The following MKX variants were observed in gnomAD, a reference collection of about 807,000 sequenced individuals.
MKX encodes homeobox protein Mohawk.
Under a neutral mutation model 36.0 loss-of-function variants are expected in MKX, and 13 were observed. The ratio of observed to expected loss-of-function variants is 0.36; its 90% CI spans 0.24 to 0.57. The LOEUF (loss-of-function observed/expected upper bound fraction) is 0.57. MKX is among the 20% of genes least tolerant of loss of function. The pLI, the probability that MKX is intolerant of heterozygous loss-of-function variation, is 0.79. For missense variants in MKX, 458 were observed against 456.4 expected (o/e 1.00, Z -0.03); for synonymous variants, 176 against 178.3 (o/e 0.99, Z 0.10).
At position 27,743,363 on chromosome 10, in the gene MKX, C is replaced by G. The variant is rs200576304; in HGVS notation, c.53G>C (p.Gly18Ala). ...KLSGAVLFED[G>A]GASERERGGR... ...ACCCCGCTCCCGCTCCGAGGCGCCTCCGTCCTCAAACAGCACCGCACCGCT... is the reference window on the plus strand; with the variant it reads ...ACCCCGCTCCCGCTCCGAGGCGCCTGCGTCCTCAAACAGCACCGCACCGCT... The change falls in exon 2 of 7, where the codon GGA (glycine) becomes GCA (alanine). Residue 18 changes from glycine to alanine, a missense_variant. This residue lies in a region of MKX where 149 missense variants were observed against 114.3 expected (regional missense o/e 1.30). Coordinates refer to ENST00000419761, the MANE Select transcript of MKX (RefSeq NM_173576.3). 10 of 1,578,446 alleles carry G rather than the reference C, an allele frequency of 6.3e-6. No individual in the cohort carries two copies. The highest frequency in any genetic ancestry group is 8.6e-6 in the Non-Finnish European group (10 of 1,164,702).
At position 27,743,296 on chromosome 10, in the gene MKX, G is replaced by A. The variant is rs534056794; in HGVS notation, c.120C>T (p.Arg40=). ...GGCCGTCGGGAATGCCCACCTCGGG[G>A]CGGGCGTGAGGACTGTCCAGGACAC... ...YSGVLDSPHA[R]PEVGIPDGPP... is the part of the protein sequence containing the mutation. Residue 40 remains arginine (R), a synonymous_variant, in exon 2 of 7, where the codon CGC becomes CGT. Coordinates refer to ENST00000419761, the MANE Select transcript of MKX (RefSeq NM_173576.3). The A allele has an allele frequency of 2.6e-5, 40 of 1,554,210 alleles. No homozygotes were observed. The Admixed American group carries it at 4.8e-4, about 18-fold the overall frequency.
intron 5 of MKX, among the ~76,000 whole-genome samples, chr10:27,717,813 A>G (rs1482412368): frequency 3.9e-5 from 6 of 152,248 alleles, no homozygotes; most frequent in African/African-American, 1.4e-4. Context: ...TAAAGGATGA[A>G]CCAGAGAACT....
chr10:27,730,388 A>T (rs1834597203), intron 5 of MKX, among the ~76,000 whole-genome samples: 1 of 151,882 alleles, frequency 6.6e-6, no homozygotes, highest in Non-Finnish European at 1.5e-5. Flanking sequence ...TCTGCCCCCT[A>T]GAATTTAATA....
chr10:27,736,703 A>G (rs1457704541), intron 3 of MKX, among the ~76,000 whole-genome samples: 1 of 151,512 alleles, frequency 6.6e-6, no homozygotes, highest in African/African-American at 2.4e-5. Context: ...AGTCCTTATT[A>G]TTCTACTTAA....
chr10:27,709,809 G>A (rs754808737), intron 5 of MKX, among the ~76,000 whole-genome samples: 7 of 152,144 alleles, frequency 4.6e-5, no homozygotes, highest in Non-Finnish European at 1.0e-4. Flanking sequence ...CTAAGGCAGT[G>A]CTGTCAATAG....
At chr10:27,683,314 A>C (rs1836288781) in intron 5 of MKX, among the ~76,000 whole-genome samples, 1 of 152,252 alleles carries the variant, frequency 6.6e-6, no homozygotes, top group South Asian at 2.1e-4. Flanking sequence ...TGCCTACAGT[A>C]GTCAGTACAG....
Position 27,741,576 on chromosome 10 carries a change from C to T in MKX, c.189-72G>A, listed in dbSNP as rs1834898371. ...CCGCCCGGACGCTCCACGCCCCGGC[C>T]AAGCCCGGGCCCCGCATCCAAACTG... On this transcript the variant is annotated intron_variant, in intron 2 of 6. Transcript: ENST00000419761. This position sits in a 1 kb window ranked among gnomAD's most constrained non-coding sequence, Gnocchi z 5.1. 6.8e-7 allele frequency: 1 copy of T among 1,475,094 alleles called. No homozygotes were observed. Among genetic ancestry groups the T allele is most frequent in the Non-Finnish European group, 8.9e-7 (1 of 1,117,332 alleles). 91.4% of individuals were successfully genotyped at this position (1,475,094 alleles called of 1,614,324 possible).
intron 5 of MKX, among the ~76,000 whole-genome samples, chr10:27,702,255 G>A (rs531650539): frequency 6.6e-6 from 1 of 152,268 alleles, no homozygotes; most frequent in South Asian, 2.1e-4. Context: ...AGCTGGATAC[G>A]AGGTCCTAAG....
intron 5 of MKX, among the ~76,000 whole-genome samples, chr10:27,687,664 T>C (rs916991146): frequency 1.3e-5 from 2 of 152,234 alleles, no homozygotes; most frequent in Non-Finnish European, 2.9e-5. Context: ...GTGATCGTTT[T>C]CACTAAGCAC....
intron 5 of MKX, among the ~76,000 whole-genome samples, chr10:27,676,179 T>A (rs992675909): frequency 9.2e-5 from 14 of 151,792 alleles, no homozygotes; most frequent in African/African-American, 2.7e-4. Context: ...GAGGCTGAGG[T>A]GGGAGGATTG....
chr10:27,741,642 GTGTT>G lies in MKX; in HGVS notation c.189-142_189-139del. ...CGCCCCTGCTTTGCGCGCGCCCAGA[GTGTT>G]TGGGAGAGGCAGGAAGTGGGAGCCA... On this transcript the variant is annotated intron_variant, in intron 2 of 6. Coordinates refer to ENST00000419761, the MANE Select transcript of MKX (RefSeq NM_173576.3). The surrounding 1 kb of genome is among the most constrained non-coding windows in gnomAD (Gnocchi z 5.1). The G allele has an allele frequency of 1.0e-6, 1 of 985,884 alleles. No homozygotes were observed. Among genetic ancestry groups the G allele is most frequent in the Non-Finnish European group, 1.4e-6 (1 of 697,384 alleles). The allele number at this position is 985,884 out of a possible 1,614,324, so 61.1% of individuals were successfully genotyped here.
intron 5 of MKX, among the ~76,000 whole-genome samples, chr10:27,709,284 A>G (rs553683863): frequency 6.6e-4 from 100 of 152,358 alleles, no homozygotes; most frequent in African/African-American, 2.4e-3. Flanking sequence ...TAGCATTTAC[A>G]TTGTATTAGG....
chr10:27,685,696 C>G (rs1056728722), intron 5 of MKX, among the ~76,000 whole-genome samples: 2 of 152,102 alleles, frequency 1.3e-5, no homozygotes, highest in African/African-American at 2.4e-5. Flanking sequence ...GTGATCCACC[C>G]GCCTCCGCCT....
At chr10:27,703,008 T>G (rs543503883) in intron 5 of MKX, among the ~76,000 whole-genome samples, 4 of 152,290 alleles carry the variant, frequency 2.6e-5, no homozygotes, top group African/African-American at 9.6e-5. Context: ...AGCTTCAGGT[T>G]TGGAATACAT....
intron 5 of MKX, among the ~76,000 whole-genome samples, chr10:27,712,513 G>A (rs1230699159): frequency 6.6e-6 from 1 of 152,148 alleles, no homozygotes; most frequent in Non-Finnish European, 1.5e-5. Flanking sequence ...AAAAGGAAAA[G>A]GTGGGAGGGG....
chr10:27,734,701 A>G lies in MKX; in HGVS notation c.593T>C (p.Ile198Thr). The part of the protein sequence containing the change: ...HPVIKSENSV[I>T]KAGVRPESRA... ...TGACTCTGGCCTCACTCCCGCTTTG[A>G]TGACCGAATTCTCACTTTTAATCAC... Residue 198 changes from isoleucine to threonine, a missense_variant, in exon 5 of 7, where the codon ATC (isoleucine) becomes ACC (threonine). Coordinates refer to ENST00000419761, the MANE Select transcript of MKX (RefSeq NM_173576.3). The G allele has an allele frequency of 1.2e-6, 2 of 1,614,074 alleles. No individual in the cohort carries two copies. Among genetic ancestry groups the G allele is most frequent in the Non-Finnish European group, 1.7e-6 (2 of 1,180,030 alleles).
intron 5 of MKX, among the ~76,000 whole-genome samples, chr10:27,715,519 C>G (rs550184071): frequency 6.6e-6 from 1 of 152,306 alleles, no homozygotes; most frequent in Non-Finnish European, 1.5e-5. Context: ...AAGCCAAGGA[C>G]TCTCCCTGCA....
intron 5 of MKX, among the ~76,000 whole-genome samples, chr10:27,703,290 T>C (rs925195762): frequency 1.3e-5 from 2 of 152,318 alleles, no homozygotes; most frequent in Admixed American, 6.5e-5. Context: ...AGGTGGGTAT[T>C]TGTATTGCCT....
intron 5 of MKX, among the ~76,000 whole-genome samples, chr10:27,723,950 G>A (rs146945825): frequency 5.9e-5 from 9 of 152,278 alleles, no homozygotes; most frequent in Admixed American, 1.3e-4. Context: ...AAAACTTAAG[G>A]AGCAAGCTGT....
Sources: gnomAD v4.1 joint callset for allele counts (sites outside exome capture counted in the v4.1 genomes callset) on GRCh38, gnomAD v4.1.1 for gene constraint, gnomAD v4.1.1 regional missense constraint, Gnocchi (gnomAD v3.1) non-coding constraint, MANE v1.5 for transcripts, NCBI Gene and HGNC (gene_info 2026-07-23, HGNC 2026-07-21) for gene names.